Variants in TBPL2 observed in about 807,000 individuals in gnomAD.
The protein encoded by TBPL2 is TATA-box binding protein like 2.
A neutral mutation model predicts 38.2 loss-of-function variants in TBPL2; 40 were observed. The ratio of observed to expected loss-of-function variants is 1.05; its 90% confidence interval spans 0.81 to 1.36. TBPL2 has a LOEUF of 1.36. TBPL2 is among the 40% of genes most tolerant of loss of function. TBPL2 has a pLI of 0.00. For missense variants in TBPL2, 461 were observed against 456.7 expected, an observed-to-expected ratio of 1.01 and a Z score of -0.09; for synonymous variants, 169 against 171.7, an observed-to-expected ratio of 0.98 and a Z score of 0.12.
At chr14:55,421,659 C>T (rs1224153483) in intron 6 of TBPL2, among the ~76,000 whole-genome samples, 1 of 152,136 alleles carries the variant, frequency 6.6e-6, no homozygotes, top group Non-Finnish European at 1.5e-5. Context: ...GATGGGGTTT[C>T]ACCATGTTGG....
At chr14:55,429,243 G>C (rs1453811521) in intron 4 of TBPL2, among the ~76,000 whole-genome samples, 2 of 152,120 alleles carry the variant, frequency 1.3e-5, no homozygotes, top group East Asian at 1.9e-4. Context: ...ACTTTTACTT[G>C]GGTGTTATTT....
chr14:55,424,646 T>A (rs746577097), intron 5 of TBPL2, among the ~76,000 whole-genome samples: 51 of 152,354 alleles, frequency 3.3e-4, no homozygotes, highest in African/African-American at 1.9e-4. Flanking sequence ...ATATTTTGTA[T>A]GCTTTTACGA....
At chr14:55,429,276 G>A (rs753274768) in intron 4 of TBPL2, among the ~76,000 whole-genome samples, 3 of 152,140 alleles carry the variant, frequency 2.0e-5, no homozygotes, top group South Asian at 2.1e-4. Context: ...CCAAGGATTC[G>A]CAAAGTGTGT....
In TBPL2 at chr14:55,437,064, C is replaced by T. The variant is rs773726047; in HGVS notation, c.151-46G>A. Reference sequence around the variant, plus strand: ...ACAGACAAAAACACAACAGACAGAACAGCATGTTACACAAAAGGGATGTCA... The same window carrying T: ...ACAGACAAAAACACAACAGACAGAATAGCATGTTACACAAAAGGGATGTCA... On this transcript the variant is annotated intron_variant, in intron 1 of 6. Transcript: ENST00000247219. 9 of 1,526,568 alleles carry T rather than the reference C, an allele frequency of 5.9e-6. No individual in the cohort carries two copies. The East Asian group carries it at 2.0e-4, about 34-fold the overall frequency. 94.6% of individuals were successfully genotyped at this position (1,526,568 alleles called of 1,614,324 possible). A position where few individuals can be genotyped will look rare whatever the true frequency, so the allele number is the denominator to read the frequency against.
chr14:55,431,467 ACTATATGG>A (rs1885924377), intron 4 of TBPL2, among the ~76,000 whole-genome samples: 1 of 152,244 alleles, frequency 6.6e-6, no homozygotes. Context: ...CAGTATGTGT[ACTATATGG>A]CTAATACAAT....
In TBPL2 at chr14:55,436,525, C is replaced by G. The variant is rs774293336; in HGVS notation, c.608+36G>C. ...GCATTCAGGAATATAAAATGTGTAC[C>G]CAATGTGCTCAATTAAAACAAAAAT... On this transcript the variant is annotated intron_variant, in intron 2 of 6. Coordinates refer to ENST00000247219, the Ensembl canonical transcript of TBPL2. 3 of 1,554,278 alleles carry G rather than the reference C, an allele frequency of 1.9e-6. No individual in the cohort carries two copies. In the East Asian group the frequency reaches 6.7e-5, roughly 35 times the overall value.
chr14:55,428,672 A>G (rs1486057421), intron 5 of TBPL2, 135 bp downstream of exon 5: 2 of 941,616 alleles, frequency 2.1e-6, no homozygotes, highest in Non-Finnish European at 3.1e-6. Flanking sequence ...ATAGCATCTT[A>G]ATCTTTTCAC....
At chr14:55,419,675 G>C (rs1238375141) in intron 6 of TBPL2, among the ~76,000 whole-genome samples, 1 of 152,210 alleles carries the variant, frequency 6.6e-6, no homozygotes, top group Non-Finnish European at 1.5e-5. Context: ...GGCTGTAGCT[G>C]TGGCAACTCA....
chr14:55,437,139 T>C (rs1953739), intron 1 of TBPL2, 121 bp from the exon 2 acceptor site: 110,614 of 840,192 alleles, frequency 0.13, 11,850 homozygotes, highest in African/African-American at 0.5. Context: ...CAGTTCAAGA[T>C]TGCTTGTATT....
chr14:55,428,598 T>C (rs917821571), intron 5 of TBPL2, among the ~76,000 whole-genome samples: 2 of 152,054 alleles, frequency 1.3e-5, no homozygotes, highest in Admixed American at 1.3e-4. Context: ...TGCTAAGCAA[T>C]GTAAGTTTAA....
intron 5 of TBPL2, among the ~76,000 whole-genome samples, chr14:55,427,561 G>A (rs1885844989): frequency 6.6e-6 from 1 of 152,098 alleles, no homozygotes; most frequent in Admixed American, 6.6e-5. Flanking sequence ...GTTCCAGCTT[G>A]GCCAAGAGAA....
At chr14:55,429,225 G>A (rs1885883320) in intron 4 of TBPL2, among the ~76,000 whole-genome samples, 1 of 152,184 alleles carries the variant, frequency 6.6e-6, no homozygotes, top group African/African-American at 2.4e-5. Context: ...CATATATGAA[G>A]TACTTTTACT....
intron 4 of TBPL2, among the ~76,000 whole-genome samples, chr14:55,431,989 A>T (rs908962133): frequency 6.6e-6 from 1 of 152,206 alleles, no homozygotes; most frequent in African/African-American, 2.4e-5. Context: ...AAGACCAAAA[A>T]ATATATGAAA....
chr14:55,425,019 C>T (rs1308590310), intron 5 of TBPL2, among the ~76,000 whole-genome samples: 1 of 152,152 alleles, frequency 6.6e-6, no homozygotes, highest in Non-Finnish European at 1.5e-5. Context: ...AAAAGACATC[C>T]AAGCAATGGA....
At chr14:55,432,245 C>CA (rs71131268) in intron 4 of TBPL2, among the ~76,000 whole-genome samples, 57,332 of 121,850 alleles carry the variant, frequency 0.47, 14,522 homozygotes, top group East Asian at 0.61. Context: ...CCCGTCTCTA[C>CA]AAAAAAAAAA....
At chr14:55,422,850 C>G (rs1262499258) in intron 6 of TBPL2, among the ~76,000 whole-genome samples, 1 of 151,980 alleles carries the variant, frequency 6.6e-6, no homozygotes, top group African/African-American at 2.4e-5. Flanking sequence ...GAGACTCTGT[C>G]TCAAAAACAA....
At position 55,424,153 on chromosome 14, in the gene TBPL2, A is replaced by G. The variant is rs1885785082; in HGVS notation, c.1051+6T>C. 1 of 1,604,988 alleles carries G rather than the reference A, an allele frequency of 6.2e-7. No individual in the cohort carries two copies. The highest frequency in any genetic ancestry group is 1.3e-5 in the African/African-American group (1 of 74,676). ...TTATGAGTCAGAAAATAATCTTAGC[A>G]CTTACCTGTCAACACAACTTTTCCA... is the stretch of plus-strand genomic sequence containing the variant. On this transcript the variant is annotated splice_donor_region_variant and intron_variant, in intron 6 of 6. Coordinates refer to ENST00000247219, the Ensembl canonical transcript of TBPL2.
intron 5 of TBPL2, 146 bp from the exon 6 acceptor site, chr14:55,424,399 G>A: frequency 1.8e-6 from 1 of 559,928 alleles, no homozygotes; most frequent in Non-Finnish European, 3.2e-6. Flanking sequence ...CTATCTTGAT[G>A]AAGAGTCTTG....
chr14:55,439,364 A>C (rs12888181), intron 1 of TBPL2, among the ~76,000 whole-genome samples: 78,867 of 151,458 alleles, frequency 0.52, 20,673 homozygotes, highest in East Asian at 0.65. Flanking sequence ...CTTGACTTCT[A>C]GAGGGAGGCC....
Sources: gnomAD v4.1 joint callset for allele counts (sites outside exome capture counted in the v4.1 genomes callset) on GRCh38, gnomAD v4.1.1 for gene constraint, MANE v1.5 for transcripts, NCBI Gene and HGNC (gene_info 2026-07-23, HGNC 2026-07-21) for gene names.